The following EPB41L2 variants were observed in gnomAD, a reference collection of about 807,000 sequenced individuals.
EPB41L2 encodes band 4.1-like protein 2.
Under a neutral mutation model 113.0 loss-of-function variants are expected in EPB41L2, and 43 were observed. The ratio of observed to expected loss-of-function variants is 0.38; its 90% CI spans 0.30 to 0.49. The LOEUF is 0.49. EPB41L2 is among the 20% of genes least tolerant of loss of function. EPB41L2 has a pLI of 0.95. For missense variants in EPB41L2, 1,147 were observed against 1,223.4 expected, an observed-to-expected ratio of 0.94 and a Z score of 0.93; for synonymous variants, 442 against 436.7, an observed-to-expected ratio of 1.01 and a Z score of -0.15.
At chr6:130,915,690 CT>C (rs1278258247) in intron 4 of EPB41L2, among the ~76,000 whole-genome samples, 1 of 152,152 alleles carries the variant, frequency 6.6e-6, no homozygotes, top group African/African-American at 2.4e-5. Context: ...ATGATTCTGA[CT>C]TGTTGTGGGA....
At chr6:130,989,842 A>G (rs1417329236) in intron 1 of EPB41L2, among the ~76,000 whole-genome samples, 1 of 152,228 alleles carries the variant, frequency 6.6e-6, no homozygotes, top group Non-Finnish European at 1.5e-5. Context: ...GGTAAGACAC[A>G]TGGCCAAAGA....
chr6:131,023,740 T>TATATATATATATATATAG (rs1377748039), intron 1 of EPB41L2, among the ~76,000 whole-genome samples: 1 of 21,922 alleles, frequency 4.6e-5, no homozygotes, highest in Non-Finnish European at 1.4e-4. Flanking sequence ...TATATATATC[T>TATATATATATATATATAG]ATATATCTAT....
intron 1 of EPB41L2, among the ~76,000 whole-genome samples, chr6:131,016,022 T>C (rs772356658): frequency 2.6e-5 from 4 of 152,226 alleles, no homozygotes; most frequent in Non-Finnish European, 5.9e-5. Flanking sequence ...AGGTTCCAGC[T>C]ATGAATCGTC....
intron 1 of EPB41L2, among the ~76,000 whole-genome samples, chr6:130,958,138 CA>C (rs1369277145): frequency 6.6e-6 from 1 of 152,042 alleles, no homozygotes. Context: ...TACATTAAGT[CA>C]ATAGCATGTT....
rs572837723 is a variant in EPB41L2 at position 130,894,326 on chromosome 6, C to A, written c.1487+18G>T. 2 of 1,603,774 alleles carry A rather than the reference C, an allele frequency of 1.2e-6. No individual in the cohort carries two copies. The highest frequency in any genetic ancestry group is 1.1e-5 in the South Asian group (1 of 90,816). On this transcript the variant is annotated intron_variant, in intron 10 of 19. Coordinates refer to ENST00000337057, the MANE Select transcript of EPB41L2 (RefSeq NM_001431.4). ...TGTGCGATCATGCCCGGCTTCCGAG[C>A]TGTTTTCCTAAAATTACCTGTAGAA...
At position 130,962,774 on chromosome 6, in the gene EPB41L2, T is replaced by G. The variant is rs1053150274; in HGVS notation, c.-14-6275A>C. ...TCTCCTTTTTAATAGAACCTAAATT[T>G]TGTTCCACTTTCCCCCCTTCCACAT... On this transcript the variant is annotated intron_variant, in intron 1 of 19. Coordinates refer to ENST00000337057, the MANE Select transcript of EPB41L2 (RefSeq NM_001431.4). Among the ~76,000 whole-genome samples the G allele has an allele frequency of 1.9e-4, 29 of 152,162 alleles. 1 individual carries two copies. The highest frequency in any genetic ancestry group is 2.6e-4 in the Admixed American group (4 of 15,278).
intron 1 of EPB41L2, among the ~76,000 whole-genome samples, chr6:130,963,709 A>T (rs1038298139): frequency 7.2e-5 from 11 of 152,250 alleles, no homozygotes; most frequent in Admixed American, 6.5e-4. Flanking sequence ...TCTTGGAAAT[A>T]GATACGATTT....
At chr6:131,051,959 C>T (rs1427154608) in intron 1 of EPB41L2, among the ~76,000 whole-genome samples, 13 of 139,996 alleles carry the variant, frequency 9.3e-5, no homozygotes, top group African/African-American at 1.9e-4. Context: ...TTTTTTGAGA[C>T]GGAGTCTTAC....
chr6:130,845,181 C>A (rs1289730925), intron 19 of EPB41L2, among the ~76,000 whole-genome samples: 1 of 152,202 alleles, frequency 6.6e-6, no homozygotes, highest in Admixed American at 6.5e-5. Context: ...GTGTAGCCTG[C>A]AGCCCCTGAG....
At chr6:130,890,527 G>T in intron 10 of EPB41L2, 61 bp from the exon 11 acceptor site, 6 of 1,519,402 alleles carry the variant, frequency 3.9e-6, no homozygotes, top group South Asian at 1.3e-5. Context: ...TAGACTTTAC[G>T]GAATTTTTTA....
At chr6:130,981,270 G>A (rs1779325683) in intron 1 of EPB41L2, among the ~76,000 whole-genome samples, 1 of 152,196 alleles carries the variant, frequency 6.6e-6, no homozygotes, top group South Asian at 2.1e-4. Context: ...TATCAGTACA[G>A]AGGCAGAAAA....
chr6:130,985,501 C>G (rs1304061693), intron 1 of EPB41L2, among the ~76,000 whole-genome samples: 2 of 152,178 alleles, frequency 1.3e-5, no homozygotes, highest in East Asian at 3.8e-4. Flanking sequence ...TAGATTCGAC[C>G]TGGAAGGGCC....
chr6:130,957,788 A>G (rs1817954809), intron 1 of EPB41L2, among the ~76,000 whole-genome samples: 1 of 152,236 alleles, frequency 6.6e-6, no homozygotes. Context: ...GTATACTCAC[A>G]AAGTGGTACA....
intron 16 of EPB41L2, among the ~76,000 whole-genome samples, chr6:130,866,569 A>T (rs1159754505): frequency 6.6e-6 from 1 of 152,230 alleles, no homozygotes; most frequent in South Asian, 2.1e-4. Context: ...TGTGGGATCA[A>T]GGCACACACA....
At chr6:130,941,774 A>C (rs999022153) in intron 3 of EPB41L2, among the ~76,000 whole-genome samples, 2 of 152,216 alleles carry the variant, frequency 1.3e-5, no homozygotes, top group Non-Finnish European at 2.9e-5. Flanking sequence ...CATATTCTGC[A>C]AATGAAGTAC....
At chr6:130,947,089 C>G (rs1813181398) in intron 3 of EPB41L2, among the ~76,000 whole-genome samples, 1 of 150,714 alleles carries the variant, frequency 6.6e-6, no homozygotes, top group African/African-American at 2.5e-5. Context: ...AAACAGCGCC[C>G]TTGACTTTGC....
chr6:130,918,348 T>C (rs924703641), intron 4 of EPB41L2, among the ~76,000 whole-genome samples: 4 of 152,178 alleles, frequency 2.6e-5, no homozygotes, highest in African/African-American at 9.6e-5. Context: ...AATGACGTTA[T>C]AATGTCATTT....
intron 8 of EPB41L2, among the ~76,000 whole-genome samples, 167 bp from the exon 9 acceptor site, chr6:130,895,286 T>A (rs1167156634): frequency 6.6e-6 from 1 of 152,152 alleles, no homozygotes; most frequent in Non-Finnish European, 1.5e-5. Context: ...CGCACACACA[T>A]ACATGTTAAA....
intron 1 of EPB41L2, among the ~76,000 whole-genome samples, chr6:130,988,026 A>G (rs1344271186): frequency 6.6e-6 from 1 of 151,854 alleles, no homozygotes; most frequent in Non-Finnish European, 1.5e-5. Flanking sequence ...TGAGGTGGAA[A>G]AGTTGCTTGC....
Sources: gnomAD v4.1 joint callset for allele counts (sites outside exome capture counted in the v4.1 genomes callset) on GRCh38, gnomAD v4.1.1 for gene constraint, MANE v1.5 for transcripts, NCBI Gene and HGNC (gene_info 2026-07-23, HGNC 2026-07-21) for gene names.